Variants in KCNK13 observed in about 807,000 individuals in gnomAD.
The protein encoded by KCNK13 is potassium channel subfamily K member 13.
KCNK13 carries 12 observed loss-of-function variants against 23.4 expected under a neutral mutation model. The ratio of observed to expected loss-of-function variants is 0.51; its 90% CI spans 0.33 to 0.83. KCNK13 has a LOEUF of 0.83. Among genes scored for constraint, KCNK13 ranks in the 40% least tolerant of loss-of-function variants. KCNK13 has a pLI of 0.02. For synonymous variants in KCNK13, 231 were observed against 229.5 expected (o/e 1.01, Z -0.06); for missense variants, 463 against 556.3 (o/e 0.83, Z 1.69).
At position 90,062,574 on chromosome 14, in the gene KCNK13, G is replaced by A. The variant is rs760816387; in HGVS notation, c.334+35G>A. On this transcript the variant is annotated intron_variant, in intron 1 of 1. Coordinates refer to ENST00000282146, the MANE Select transcript of KCNK13 (RefSeq NM_022054.4). The surrounding 1 kb of genome is among the most constrained non-coding windows in gnomAD (Gnocchi z 4.5). ...CTGGCCGGACTCGCTGACAACCTCC[G>A]GGCGGCCTCCACTTCCTCCGGGGGG... The A allele has an allele frequency of 1.6e-5, 23 of 1,419,718 alleles. No individual in the cohort carries two copies. In the African/African-American group the frequency reaches 3.3e-4, roughly 20 times the overall value. The allele number at this position is 1,419,718 out of a possible 1,614,324, so 87.9% of individuals were successfully genotyped here.
intron 1 of KCNK13, among the ~76,000 whole-genome samples, chr14:90,135,967 G>T (rs1889931567): frequency 6.6e-6 from 1 of 152,016 alleles, no homozygotes; most frequent in African/African-American, 2.4e-5. Flanking sequence ...CTTCACAGGT[G>T]CTGGGAGCAC....
At chr14:90,101,949 A>T (rs1231010466) in intron 1 of KCNK13, among the ~76,000 whole-genome samples, 1 of 151,470 alleles carries the variant, frequency 6.6e-6, no homozygotes, top group East Asian at 2.0e-4. Context: ...AATGGCGCGA[A>T]CTTGGCTCAC....
At chr14:90,158,853 G>A (rs1174629193) in intron 1 of KCNK13, among the ~76,000 whole-genome samples, 4 of 152,240 alleles carry the variant, frequency 2.6e-5, no homozygotes, top group Non-Finnish European at 5.9e-5. Context: ...GTAAGAGGAA[G>A]GCCTCCTTAG....
intron 1 of KCNK13, among the ~76,000 whole-genome samples, chr14:90,075,547 C>G (rs1035981657): frequency 1.3e-5 from 2 of 152,084 alleles, no homozygotes; most frequent in Non-Finnish European, 2.9e-5. Flanking sequence ...GGCACAATTT[C>G]GGCTCACTGC....
At chr14:90,114,594 G>GAGGTCACCTGC (rs940451079) in intron 1 of KCNK13, among the ~76,000 whole-genome samples, 36 of 152,300 alleles carry the variant, frequency 2.4e-4, no homozygotes, top group African/African-American at 7.5e-4. Flanking sequence ...CAGGACCACG[G>GAGGTCACCTGC]AGGTCACCTG....
At chr14:90,096,442 T>A (rs1209857662) in intron 1 of KCNK13, among the ~76,000 whole-genome samples, 1 of 152,236 alleles carries the variant, frequency 6.6e-6, no homozygotes, top group Non-Finnish European at 1.5e-5. Flanking sequence ...TATTTTACAA[T>A]ATCACAGGTG....
Position 90,162,156 on chromosome 14 carries a change from G to A in KCNK13, c.335-21955G>A, listed in dbSNP as rs191764456. Among the ~76,000 whole-genome samples, 4 of 152,236 alleles carry A rather than the reference G, an allele frequency of 2.6e-5. No homozygotes were observed. In the East Asian group the frequency reaches 7.7e-4, roughly 29 times the overall value. Reference sequence around the variant, plus strand: ...AATTGACCACTGCACTCCACCCTGGGCAACAGAGTCAGACCCTCTCTCAGA... The same window carrying A: ...AATTGACCACTGCACTCCACCCTGGACAACAGAGTCAGACCCTCTCTCAGA... On this transcript the variant is annotated intron_variant, in intron 1 of 1. Coordinates refer to ENST00000282146, the MANE Select transcript of KCNK13 (RefSeq NM_022054.4).
rs150449197 is a variant in KCNK13 at position 90,160,349 on chromosome 14, C to T, written c.335-23762C>T. 3.8e-3 allele frequency among the ~76,000 whole-genome samples: 579 copies of T among 152,182 alleles called. 4 individuals carry two copies. The highest frequency in any genetic ancestry group is 0.027 in the Middle Eastern group (8 of 294). ...AGACTCAAAAGCACAAAGAGAGAAC[C>T]GAGTTTTCATGAACAATTACATGTA... On this transcript the variant is annotated intron_variant, in intron 1 of 1. Transcript: ENST00000282146.
intron 1 of KCNK13, among the ~76,000 whole-genome samples, chr14:90,099,588 T>G (rs978743947): frequency 9.2e-5 from 14 of 152,156 alleles, no homozygotes; most frequent in African/African-American, 3.4e-4. Flanking sequence ...AAGTTTCCCA[T>G]TTTGGACAAC....
intron 1 of KCNK13, among the ~76,000 whole-genome samples, chr14:90,095,719 A>G (rs10133162): frequency 0.28 from 41,836 of 151,774 alleles, 6,581 homozygotes; most frequent in African/African-American, 0.4. Context: ...CAAGCAAGCC[A>G]GCATCCTCTG....
chr14:90,178,231 C>CAAAACA (rs1890444842), intron 1 of KCNK13, among the ~76,000 whole-genome samples: 2 of 75,072 alleles, frequency 2.7e-5, no homozygotes, highest in Non-Finnish European at 5.0e-5. Context: ...TTCCTAAAAG[C>CAAAACA]AAAAAAAAAA....
chr14:90,126,531 C>T (rs1566956243), intron 1 of KCNK13, among the ~76,000 whole-genome samples: 1 of 150,514 alleles, frequency 6.6e-6, no homozygotes, highest in East Asian at 2.0e-4. Flanking sequence ...TGACTCTATT[C>T]TTGTTGTTGT....
intron 1 of KCNK13, among the ~76,000 whole-genome samples, chr14:90,153,575 G>C (rs1334980429): frequency 6.6e-6 from 1 of 152,164 alleles, no homozygotes; most frequent in Non-Finnish European, 1.5e-5. Flanking sequence ...CAGGAACTGT[G>C]TTTACTTTTT....
At chr14:90,087,657 A>T (rs1185588095) in intron 1 of KCNK13, among the ~76,000 whole-genome samples, 1 of 152,210 alleles carries the variant, frequency 6.6e-6, no homozygotes, top group African/African-American at 2.4e-5. Context: ...CTTTGTGATG[A>T]TTCAGAAGCC....
chr14:90,078,500 G>A (rs1040979664), intron 1 of KCNK13, among the ~76,000 whole-genome samples: 2 of 150,474 alleles, frequency 1.3e-5, no homozygotes, highest in Admixed American at 6.6e-5. Flanking sequence ...AAGGAGAAAG[G>A]AAAGAAAGAA....
At chr14:90,063,933 T>C (rs1221976589) in intron 1 of KCNK13, among the ~76,000 whole-genome samples, 1 of 152,128 alleles carries the variant, frequency 6.6e-6, no homozygotes, top group Non-Finnish European at 1.5e-5. Context: ...CCATCCCAGA[T>C]GGTGCGGCCC....
chr14:90,063,787 G>C (rs928723650), intron 1 of KCNK13, among the ~76,000 whole-genome samples: 2 of 152,200 alleles, frequency 1.3e-5, no homozygotes, highest in African/African-American at 2.4e-5. Context: ...CTTCAGGTCA[G>C]ATTCATCATG....
intron 1 of KCNK13, among the ~76,000 whole-genome samples, chr14:90,157,657 G>A (rs182580639): frequency 3.4e-4 from 50 of 145,184 alleles, no homozygotes; most frequent in African/African-American, 9.2e-4. Context: ...GCCTCCTAAA[G>A]TGCTGGGATT....
chr14:90,138,652 C>A (rs1290662353), intron 1 of KCNK13, among the ~76,000 whole-genome samples: 3 of 152,222 alleles, frequency 2.0e-5, no homozygotes, highest in African/African-American at 7.2e-5. Context: ...TGGGGCTTGA[C>A]ATAGGATCTC....
Sources: allele counts gnomAD v4.1 joint callset (sites outside exome capture counted in the v4.1 genomes callset), GRCh38; gene constraint gnomAD v4.1.1; non-coding constraint Gnocchi (gnomAD v3.1); transcripts MANE v1.5; gene names NCBI Gene and HGNC (gene_info 2026-07-23, HGNC 2026-07-21).